ZNF469: variants seen among roughly 807,000 people sequenced by gnomAD.
ZNF469 encodes the protein zinc finger protein 469.
A neutral mutation model predicts 1.0 loss-of-function variants in ZNF469; 1 was observed. The ratio of observed to expected loss-of-function variants is 1.00; its 90% CI spans 0.35 to 4.73. The LOEUF is 4.73. Ranked by LOEUF, ZNF469 falls within the 30% of genes most tolerant of loss-of-function variation. The pLI is 0.16. For synonymous variants in ZNF469, 2,703 were observed against 2,363.4 expected (o/e 1.14, Z -4.17); for missense variants, 6,100 against 5,356.3 (o/e 1.14, Z -4.33).
At chr16:88,186,350 A>G in the ZNF469 span, among the ~76,000 whole-genome samples, 5 of 152,154 alleles carry the variant, frequency 3.3e-5, no homozygotes, top group African/African-American at 1.2e-4. Flanking sequence ...TCAGCCAACA[A>G]TGGGAGGCCG....
the ZNF469 span, among the ~76,000 whole-genome samples, chr16:88,239,889 G>A: frequency 6.8e-6 from 1 of 147,844 alleles, no homozygotes; most frequent in East Asian, 2.0e-4. Flanking sequence ...TAATGACAGT[G>A]TTATCTTGCA....
the ZNF469 span, among the ~76,000 whole-genome samples, chr16:88,142,613 C>T: frequency 6.6e-6 from 1 of 152,202 alleles, no homozygotes; most frequent in Non-Finnish European, 1.5e-5. Context: ...TTACTGAGCA[C>T]ACGTGATGTG....
chr16:88,340,183 A>T, the ZNF469 span, among the ~76,000 whole-genome samples: 1 of 152,182 alleles, frequency 6.6e-6, no homozygotes, highest in Non-Finnish European at 1.5e-5. Flanking sequence ...CCTGCACGGC[A>T]GTCCAGGCCG....
the ZNF469 span, among the ~76,000 whole-genome samples, chr16:88,119,833 G>A: frequency 7.9e-5 from 12 of 152,224 alleles, no homozygotes; most frequent in African/African-American, 2.7e-4. Flanking sequence ...AGGGAGTGGG[G>A]TTAGGGAAGA....
the ZNF469 span, among the ~76,000 whole-genome samples, chr16:88,288,296 G>A: frequency 3.3e-5 from 5 of 152,124 alleles, no homozygotes; most frequent in Admixed American, 6.6e-5. Context: ...GAGGGAGCCA[G>A]GGAGGCACGC....
chr16:88,309,293 G>C, the ZNF469 span, among the ~76,000 whole-genome samples: 1 of 152,244 alleles, frequency 6.6e-6, no homozygotes, highest in East Asian at 1.9e-4. Flanking sequence ...ACCTGTGGTG[G>C]CCAGCCCTAC....
At chr16:88,128,703 C>G in the ZNF469 span, among the ~76,000 whole-genome samples, 2 of 152,240 alleles carry the variant, frequency 1.3e-5, no homozygotes. Context: ...CACGTAAACC[C>G]CTCTAGGCTG....
intron 1 of ZNF469, among the ~76,000 whole-genome samples, chr16:88,386,046 G>A (rs1467190089): frequency 1.3e-5 from 2 of 152,178 alleles, no homozygotes; most frequent in African/African-American, 4.8e-5. Flanking sequence ...TAGGGAGCAG[G>A]GATGCCGGTG....
the ZNF469 span, among the ~76,000 whole-genome samples, chr16:88,154,544 C>G: frequency 6.6e-6 from 1 of 152,242 alleles, no homozygotes; most frequent in South Asian, 2.1e-4. Flanking sequence ...TTCCAGGCCA[C>G]TGTGTTTCCT....
chr16:88,269,325 G>A, the ZNF469 span, among the ~76,000 whole-genome samples: 49 of 152,078 alleles, frequency 3.2e-4, no homozygotes, highest in African/African-American at 1.1e-3. Context: ...CCAGGCGGCC[G>A]GGCCTATGAC....
the ZNF469 span, among the ~76,000 whole-genome samples, chr16:88,161,562 C>G: frequency 2.0e-5 from 3 of 152,186 alleles, no homozygotes; most frequent in African/African-American, 7.2e-5. Context: ...AGAAAACGTC[C>G]TTGCCTCTGT....
chr16:88,396,955 C>A (rs1368392489), intron 1 of ZNF469, among the ~76,000 whole-genome samples: 1 of 149,952 alleles, frequency 6.7e-6, no homozygotes. Flanking sequence ...AGGAGGAGAC[C>A]CTCATGAAGG....
intron 1 of ZNF469, among the ~76,000 whole-genome samples, chr16:88,423,715 C>T (rs1905582397): frequency 6.6e-6 from 1 of 152,212 alleles, no homozygotes. Flanking sequence ...CTCCCTCACA[C>T]AGCTACAGGC....
At chr16:88,210,399 C>T in the ZNF469 span, among the ~76,000 whole-genome samples, 2 of 152,090 alleles carry the variant, frequency 1.3e-5, no homozygotes, top group Middle Eastern at 3.4e-3. Context: ...GTTTTTATAT[C>T]GTCAAATGCA....
At chr16:88,208,803 A>ACACACACT in the ZNF469 span, among the ~76,000 whole-genome samples, 4 of 123,564 alleles carry the variant, frequency 3.2e-5, no homozygotes, top group African/African-American at 1.3e-4. Context: ...ACACACACAC[A>ACACACACT]CTCTCTCTCT....
chr16:88,325,325 G>T, the ZNF469 span, among the ~76,000 whole-genome samples: 1 of 152,202 alleles, frequency 6.6e-6, no homozygotes, highest in Non-Finnish European at 1.5e-5. Context: ...TCAGACCCAG[G>T]ACACCCACCA....
chr16:88,266,833 G>A, the ZNF469 span, among the ~76,000 whole-genome samples: 1 of 152,222 alleles, frequency 6.6e-6, no homozygotes, highest in Non-Finnish European at 1.5e-5. Flanking sequence ...CCTTGGAGCA[G>A]TGTCGTGCCC....
the ZNF469 span, among the ~76,000 whole-genome samples, chr16:88,266,597 G>A: frequency 2.0e-5 from 3 of 152,262 alleles, no homozygotes; most frequent in Non-Finnish European, 2.9e-5. Context: ...TGGAGAAGCA[G>A]TAGAAGGTTG....
the ZNF469 span, among the ~76,000 whole-genome samples, chr16:88,306,773 C>T: frequency 6.6e-6 from 1 of 152,224 alleles, no homozygotes; most frequent in East Asian, 1.9e-4. Flanking sequence ...TATTCCGTCT[C>T]CTTCCCTGTC....
Sources: gnomAD v4.1 joint callset for allele counts (sites outside exome capture counted in the v4.1 genomes callset) on GRCh38, gnomAD v4.1.1 for gene constraint, MANE v1.5 for transcripts, NCBI Gene and HGNC (gene_info 2026-07-23, HGNC 2026-07-21) for gene names.